Variants in BCLAF1 observed in about 807,000 individuals in gnomAD.
BCLAF1 encodes the protein BCL2 associated transcription factor 1.
BCLAF1 carries 10 observed loss-of-function variants against 99.5 expected under a neutral mutation model. The observed-to-expected ratio is 0.10, with a 90% CI of 0.06 to 0.17. The LOEUF is 0.17. BCLAF1 is among the 10% of genes least tolerant of loss of function. The pLI is 1.00. For synonymous variants in BCLAF1, 255 were observed against 370.9 expected (o/e 0.69, Z 3.59); for missense variants, 636 against 1,105.8 (o/e 0.58, Z 6.02).
chr6:136,262,271 T>G (rs1202978618), intron 11 of BCLAF1, among the ~76,000 whole-genome samples: 3 of 152,154 alleles, frequency 2.0e-5, no homozygotes, highest in Non-Finnish European at 4.4e-5. Flanking sequence ...GGGAGTCCTG[T>G]ATGTAATTTA....
Position 136,277,433 on chromosome 6 carries a change from A to G in BCLAF1, c.1016+432T>C, listed in dbSNP as rs540656482. Among the ~76,000 whole-genome samples, 458 of 152,334 alleles carry G rather than the reference A, an allele frequency of 3.0e-3. 1 individual carries two copies. The highest frequency in any genetic ancestry group is 9.7e-3 in the African/African-American group (405 of 41,582). On this transcript the variant is annotated intron_variant, in intron 4 of 12. Transcript: ENST00000531224. ...CAGTTATTAGCAACATATATCATTTAGTTATGCTCTAAGCTACTCAACTTC... is the reference window on the plus strand; with the variant it reads ...CAGTTATTAGCAACATATATCATTTGGTTATGCTCTAAGCTACTCAACTTC...
At chr6:136,274,258 T>C in intron 6 of BCLAF1, 1 of 794,836 alleles carries the variant, frequency 1.3e-6, no homozygotes, top group Non-Finnish European at 1.8e-6. Context: ...GCTGTTCAGA[T>C]CGGTTGCACA....
At chr6:136,282,026 TCTG>T (rs1323493608) in intron 2 of BCLAF1, among the ~76,000 whole-genome samples, 1 of 152,202 alleles carries the variant, frequency 6.6e-6, no homozygotes, top group Non-Finnish European at 1.5e-5. Context: ...ATTGATATCT[TCTG>T]CTCTACTGCA....
At chr6:136,269,887 TATA>T (rs578213294) in intron 8 of BCLAF1, 80 of 260,604 alleles carry the variant, frequency 3.1e-4, no homozygotes, top group Non-Finnish European at 5.0e-4. Context: ...CAAAACAATC[TATA>T]ATAAATTTTT....
intron 11 of BCLAF1, 29 bp from the exon 12 acceptor site, chr6:136,261,506 T>A: frequency 6.3e-7 from 1 of 1,589,046 alleles, no homozygotes; most frequent in African/African-American, 1.3e-5. Flanking sequence ...CAATTGTCAA[T>A]GAAATGTTTC....
In BCLAF1 at chr6:136,257,024, C is replaced by T. The variant is rs1363163219; in HGVS notation, c.*4086G>A. On this transcript the variant is annotated 3_prime_UTR_variant, in exon 13 of 13. Coordinates refer to ENST00000531224, the MANE Select transcript of BCLAF1 (RefSeq NM_014739.3). ...TATGATCATGTACTTTTATTAAAGGCAGAGCTCATTATTAATGAAATCTGG... is the reference window on the plus strand; with the variant it reads ...TATGATCATGTACTTTTATTAAAGGTAGAGCTCATTATTAATGAAATCTGG... The T allele has an allele frequency of 1.3e-5, 2 of 152,246 alleles. No homozygotes were observed. The highest frequency in any genetic ancestry group is 6.8e-3 in the Middle Eastern group (2 of 294). 9.4% of individuals were successfully genotyped at this position (152,246 alleles called of 1,614,324 possible).
intron 10 of BCLAF1, 76 bp downstream of exon 10, chr6:136,268,086 T>C (rs1371874445): frequency 3.1e-6 from 4 of 1,276,904 alleles, no homozygotes; most frequent in East Asian, 2.5e-5. Context: ...CTCTAAATCA[T>C]GTATATGACC....
At position 136,259,722 on chromosome 6, in the gene BCLAF1, T is replaced by C. The variant is rs907238726; in HGVS notation, c.*1388A>G. Reference sequence around the variant, plus strand: ...TGCAAATCCTCGAAAGTGTTTAAGATGAAAGAGCAATACACTTAAGATCTT... The same window carrying C: ...TGCAAATCCTCGAAAGTGTTTAAGACGAAAGAGCAATACACTTAAGATCTT... On this transcript the variant is annotated 3_prime_UTR_variant, in exon 13 of 13. Transcript: ENST00000531224. 6.6e-6 allele frequency: 1 copy of C among 152,012 alleles called. No homozygotes were observed. The highest frequency in any genetic ancestry group is 1.5e-5 in the Non-Finnish European group (1 of 67,926). 9.4% of individuals were successfully genotyped at this position (152,012 alleles called of 1,614,324 possible). A position where few individuals can be genotyped will look rare whatever the true frequency, so the allele number is the denominator to read the frequency against.
At chr6:136,264,035 C>G (rs1231803121) in intron 11 of BCLAF1, among the ~76,000 whole-genome samples, 1 of 152,146 alleles carries the variant, frequency 6.6e-6, no homozygotes, top group African/African-American at 2.4e-5. Context: ...ATTGCACTAG[C>G]CACATAACTC....
In BCLAF1 at chr6:136,283,178, CAAAA is replaced by C. The variant is rs1173234336; in HGVS notation, c.-114-495_-114-492del. Among the ~76,000 whole-genome samples, 214 of 52,030 alleles carry C rather than the reference CAAAA, an allele frequency of 4.1e-3. 1 individual carries two copies. In the East Asian group the frequency reaches 0.081, roughly 20 times the overall value. The allele number at this position is 52,030 out of a possible 152,430, so 34.1% of individuals were successfully genotyped here. A position where few individuals can be genotyped will look rare whatever the true frequency, so the allele number is the denominator to read the frequency against. ...TTGGCAACACAGCACGACCCCATCT[CAAAA>C]AAAAAAAAAAAAAAAAAAAAAAGGT... is the stretch of plus-strand genomic sequence containing the variant. On this transcript the variant is annotated intron_variant, in intron 1 of 12. Transcript: ENST00000531224.
intron 4 of BCLAF1, 70 bp downstream of exon 4, chr6:136,277,795 T>C: frequency 2.7e-6 from 4 of 1,499,678 alleles, no homozygotes; most frequent in Non-Finnish European, 3.6e-6. Flanking sequence ...AATTTTACGT[T>C]TATAATTCCA....
Position 136,267,187 on chromosome 6 carries a change from TA to T in BCLAF1, c.2398-13del. The T allele has an allele frequency of 6.2e-7, 1 of 1,611,084 alleles. No individual in the cohort carries two copies. The highest frequency in any genetic ancestry group is 1.1e-5 in the South Asian group (1 of 90,864). ...CCTCTAATTCGAAACTGATTAACAT[TA>T]ACAAAGTTGTTTAGTGATGCAATCA... On this transcript the variant is annotated splice_polypyrimidine_tract_variant and intron_variant, in intron 10 of 12. Transcript: ENST00000531224.
intron 3 of BCLAF1, 34 bp downstream of exon 3, chr6:136,279,728 TA>T (rs1383491690): frequency 6.7e-7 from 1 of 1,497,562 alleles, no homozygotes; most frequent in Non-Finnish European, 8.9e-7. Flanking sequence ...TTAACTGATA[TA>T]ATTATTTTAA....
chr6:136,262,064 T>C (rs568176735), intron 11 of BCLAF1, among the ~76,000 whole-genome samples: 14 of 152,194 alleles, frequency 9.2e-5, no homozygotes, highest in African/African-American at 2.4e-4. Flanking sequence ...GTCCCTAGAA[T>C]TAACATCTCA....
intron 1 of BCLAF1, among the ~76,000 whole-genome samples, chr6:136,289,002 A>G (rs1464964430): frequency 3.3e-5 from 5 of 152,222 alleles, no homozygotes; most frequent in Admixed American, 6.5e-5. Flanking sequence ...AACCAGCACC[A>G]GTCAACAGCG....
At chr6:136,269,793 C>G in intron 8 of BCLAF1, 181 bp from the exon 9 acceptor site, 1 of 444,526 alleles carries the variant, frequency 2.2e-6, no homozygotes, top group Non-Finnish European at 3.8e-6. Context: ...ACTATTTTTA[C>G]TAAACATTTG....
intron 4 of BCLAF1, 137 bp downstream of exon 4, chr6:136,277,728 A>T (rs1157864486): frequency 1.8e-6 from 2 of 1,131,506 alleles, no homozygotes; most frequent in African/African-American, 1.6e-5. Flanking sequence ...AACAATTTGG[A>T]ATTATCTTAA....
intron 1 of BCLAF1, among the ~76,000 whole-genome samples, chr6:136,284,667 T>G (rs758290177): frequency 3.3e-5 from 5 of 152,178 alleles, no homozygotes; most frequent in Admixed American, 6.5e-5. Flanking sequence ...CCCTAAACTT[T>G]CCAGATAACT....
Position 136,257,130 on chromosome 6 carries a change from TTTTTCTA to T in BCLAF1, c.*3973_*3979del, listed in dbSNP as rs1334890592. On this transcript the variant is annotated 3_prime_UTR_variant, in exon 13 of 13. Transcript: ENST00000531224. ...GGCATTAAAGCCTGCTCACCCAACC[TTTTTCTA>T]TTTTCAAGAATATTACCTTCTGCAC... 6.6e-6 allele frequency: 1 copy of T among 152,204 alleles called. No homozygotes were observed. The highest frequency in any genetic ancestry group is 1.5e-5 in the Non-Finnish European group (1 of 68,030). The allele number at this position is 152,204 out of a possible 1,614,324, so 9.4% of individuals were successfully genotyped here.
Sources: allele counts gnomAD v4.1 joint callset (sites outside exome capture counted in the v4.1 genomes callset), GRCh38; gene constraint gnomAD v4.1.1; transcripts MANE v1.5; gene names NCBI Gene and HGNC (gene_info 2026-07-23, HGNC 2026-07-21).